The following NLGN1 variants were observed in gnomAD, a reference collection of about 807,000 sequenced individuals.
The protein encoded by NLGN1 is neuroligin 1.
A neutral mutation model predicts 65.5 loss-of-function variants in NLGN1; 12 were observed. That is an observed-to-expected ratio of 0.18 (90% confidence interval 0.12 to 0.30). The LOEUF is 0.30. Ranked by LOEUF, NLGN1 falls within the 10% of genes least tolerant of loss-of-function variation. NLGN1 has a pLI of 1.00. For synonymous variants in NLGN1, 350 were observed against 359.5 expected (o/e 0.97, Z 0.30); for missense variants, 750 against 1,007.1 (o/e 0.74, Z 3.46).
chr3:174,276,518 A>G (rs1750619902), intron 5 of NLGN1, among the ~76,000 whole-genome samples: 1 of 151,946 alleles, frequency 6.6e-6, no homozygotes, highest in South Asian at 2.1e-4. Flanking sequence ...AAAAGTATAC[A>G]CTGTCAAGTA....
intron 4 of NLGN1, among the ~76,000 whole-genome samples, chr3:174,133,283 A>G (rs11714138): frequency 0.08 from 12,173 of 152,250 alleles, 1,070 homozygotes; most frequent in African/African-American, 0.22. Flanking sequence ...AGAAGTCTCC[A>G]GATCCTAACC....
intron 2 of NLGN1, among the ~76,000 whole-genome samples, chr3:173,602,402 A>G (rs756483618): frequency 1.3e-5 from 2 of 152,026 alleles, no homozygotes; most frequent in Non-Finnish European, 2.9e-5. Context: ...TTCTCCAAAC[A>G]TACAACATGT....
At chr3:173,973,965 G>T (rs78808566) in intron 4 of NLGN1, among the ~76,000 whole-genome samples, 2 of 151,944 alleles carry the variant, frequency 1.3e-5, no homozygotes, top group Admixed American at 6.6e-5. Context: ...TTTGATGCAT[G>T]GGCTAGCAGG....
intron 3 of NLGN1, among the ~76,000 whole-genome samples, chr3:173,707,836 A>T (rs894029650): frequency 6.6e-6 from 1 of 152,210 alleles, no homozygotes; most frequent in African/African-American, 2.4e-5. Flanking sequence ...TGAGATAGGG[A>T]TATGGTAGCA....
chr3:173,455,736 A>G (rs1478203081), intron 2 of NLGN1, among the ~76,000 whole-genome samples: 1 of 152,224 alleles, frequency 6.6e-6, no homozygotes, highest in South Asian at 2.1e-4. Flanking sequence ...ATATGTGTGT[A>G]TATATATGTA....
chr3:174,099,792 T>G (rs1711971715), intron 4 of NLGN1, among the ~76,000 whole-genome samples: 1 of 152,102 alleles, frequency 6.6e-6, no homozygotes, highest in Admixed American at 6.6e-5. Flanking sequence ...AAAAGAAAAC[T>G]TGTTAGTTAA....
chr3:173,719,414 C>T (rs1770443494), intron 3 of NLGN1, among the ~76,000 whole-genome samples: 1 of 152,128 alleles, frequency 6.6e-6, no homozygotes, highest in African/African-American at 2.4e-5. Context: ...AAGTGACCGT[C>T]CCAGTATCTG....
chr3:174,027,060 T>G, intron 4 of NLGN1, among the ~76,000 whole-genome samples: 1 of 126,842 alleles, frequency 7.9e-6, no homozygotes, highest in South Asian at 2.5e-4. Context: ...TCTAGTTCAA[T>G]TTTTTTAAAA....
intron 4 of NLGN1, among the ~76,000 whole-genome samples, chr3:174,237,472 T>C (rs181833250): frequency 1.8e-4 from 28 of 152,340 alleles, no homozygotes; most frequent in African/African-American, 6.5e-4. Context: ...CAAGTAATAT[T>C]TGCAAAATGA....
chr3:173,842,172 C>T (rs6801939), intron 4 of NLGN1, among the ~76,000 whole-genome samples: 1 of 152,058 alleles, frequency 6.6e-6, no homozygotes, highest in Admixed American at 6.5e-5. Flanking sequence ...TTTCATGAGA[C>T]TCATTCACTT....
intron 4 of NLGN1, among the ~76,000 whole-genome samples, chr3:174,077,111 C>A (rs1361950287): frequency 1.3e-5 from 2 of 151,926 alleles, no homozygotes; most frequent in African/African-American, 4.8e-5. Context: ...ATCTTACATG[C>A]ATATTTTCCT....
intron 2 of NLGN1, among the ~76,000 whole-genome samples, chr3:173,556,268 A>G (rs966261928): frequency 2.0e-5 from 3 of 152,108 alleles, no homozygotes; most frequent in Admixed American, 6.5e-5. Context: ...GTTTTTAAAG[A>G]TTAATTTCTG....
At chr3:173,910,578 C>T (rs1739388390) in intron 4 of NLGN1, 1 of 152,040 alleles carries the variant, frequency 6.6e-6, no homozygotes, top group Non-Finnish European at 1.5e-5. Context: ...TTCTAGTATC[C>T]TTTGATTTAG....
chr3:174,253,255 T>G (rs1460041673), intron 4 of NLGN1, among the ~76,000 whole-genome samples: 1 of 152,214 alleles, frequency 6.6e-6, no homozygotes, highest in Non-Finnish European at 1.5e-5. Context: ...ATGCTCTTTT[T>G]ATTCTGAAAA....
At chr3:173,711,852 G>A (rs183685049) in intron 3 of NLGN1, among the ~76,000 whole-genome samples, 3 of 152,214 alleles carry the variant, frequency 2.0e-5, no homozygotes, top group African/African-American at 7.2e-5. Context: ...GATGCCTCCC[G>A]ACACACTCAG....
chr3:174,248,675 C>T (rs1000906983), intron 4 of NLGN1, among the ~76,000 whole-genome samples: 4 of 152,210 alleles, frequency 2.6e-5, no homozygotes, highest in East Asian at 3.9e-4. Flanking sequence ...ACACGAGAAT[C>T]GCTTGAACTT....
At chr3:173,854,073 A>G (rs1197186675) in intron 4 of NLGN1, among the ~76,000 whole-genome samples, 1 of 152,048 alleles carries the variant, frequency 6.6e-6, no homozygotes, top group East Asian at 1.9e-4. Flanking sequence ...AAATTCAAAC[A>G]TCAATCCCTC....
intron 4 of NLGN1, among the ~76,000 whole-genome samples, chr3:173,961,149 C>T (rs576941095): frequency 7.2e-5 from 11 of 152,178 alleles, no homozygotes; most frequent in East Asian, 1.9e-4. Flanking sequence ...TTACTTTCCT[C>T]GGAAACATGA....
chr3:173,628,294 G>A (rs1199405889), intron 3 of NLGN1, among the ~76,000 whole-genome samples: 1 of 152,074 alleles, frequency 6.6e-6, no homozygotes, highest in Non-Finnish European at 1.5e-5. Flanking sequence ...GCTACTGGGT[G>A]GTGGGGGCTA....
Sources: gnomAD v4.1 joint callset for allele counts (sites outside exome capture counted in the v4.1 genomes callset) on GRCh38, gnomAD v4.1.1 for gene constraint, MANE v1.5 for transcripts, NCBI Gene and HGNC (gene_info 2026-07-23, HGNC 2026-07-21) for gene names.